Variants in GRAMD2B observed in about 807,000 individuals in gnomAD.
GRAMD2B encodes the protein GRAM domain-containing protein 2B.
Under a neutral mutation model 59.2 loss-of-function variants are expected in GRAMD2B, and 41 were observed. The observed-to-expected ratio is 0.69, with a 90% CI of 0.54 to 0.90. GRAMD2B has a LOEUF of 0.90. Among genes scored for constraint, GRAMD2B ranks in the 40% least tolerant of loss-of-function variants. The pLI, the probability that GRAMD2B is intolerant of heterozygous loss-of-function variation, is 0.00. For missense variants in GRAMD2B, 424 were observed against 500.5 expected, an observed-to-expected ratio of 0.85 and a Z score of 1.46; for synonymous variants, 161 against 182.7, an observed-to-expected ratio of 0.88 and a Z score of 0.96.
In GRAMD2B at chr5:126,377,023, G is replaced by A. The variant is rs183643780; in HGVS notation, c.125+5456G>A. 3.6e-3 allele frequency among the ~76,000 whole-genome samples: 549 copies of A among 151,422 alleles called. 10 individuals carry two copies. Among genetic ancestry groups the A allele is most frequent in the Non-Finnish European group, 2.1e-3 (144 of 67,848 alleles). On this transcript the variant is annotated intron_variant, in intron 1 of 8. Coordinates refer to the GRAMD2B transcript ENST00000506445. ...TTCCCAGCAGGAAAGAATAAAACTC[G>A]CCAGCAGTGTCATTGCAAGGAGCGA...
Position 126,411,904 on chromosome 5 carries a change from C to T in GRAMD2B, c.125+40337C>T, listed in dbSNP as rs1273050718. 2.7e-5 allele frequency among the ~76,000 whole-genome samples: 4 copies of T among 149,294 alleles called. No individual in the cohort carries two copies. The South Asian group carries it at 6.3e-4, about 24-fold the overall frequency. On this transcript the variant is annotated intron_variant, in intron 1 of 8. Transcript: ENST00000506445. ...ATGGGATTGCATTCTTGATTTGGCTCTCAACTTGAACATCATTTGTGTATA... is the reference window on the plus strand; with the variant it reads ...ATGGGATTGCATTCTTGATTTGGCTTTCAACTTGAACATCATTTGTGTATA...
intron 9 of GRAMD2B, 67 bp downstream of exon 9, chr5:126,483,641 T>TAAAA: frequency 1.8e-6 from 1 of 554,592 alleles, no homozygotes. Flanking sequence ...CCCACCCCCT[T>TAAAA]AAAAAAAAAA....
At chr5:126,390,763 T>A (rs1483461703) in intron 1 of GRAMD2B, among the ~76,000 whole-genome samples, 1 of 152,204 alleles carries the variant, frequency 6.6e-6, no homozygotes, top group Admixed American at 6.5e-5. Flanking sequence ...TTACTAGATG[T>A]CTTCTGTGTG....
chr5:126,411,148 C>T (rs1758745568), intron 1 of GRAMD2B, among the ~76,000 whole-genome samples: 1 of 151,954 alleles, frequency 6.6e-6, no homozygotes. Context: ...GTTGCAGTTG[C>T]TTTTGAGGAT....
intron 1 of GRAMD2B, among the ~76,000 whole-genome samples, chr5:126,456,780 T>G (rs536019790): frequency 4.8e-4 from 73 of 152,326 alleles, no homozygotes; most frequent in Non-Finnish European, 9.3e-4. Flanking sequence ...TCACTTTGAC[T>G]CCCCACTTTT....
intron 1 of GRAMD2B, among the ~76,000 whole-genome samples, chr5:126,381,925 A>T (rs926203053): frequency 2.6e-5 from 4 of 152,122 alleles, no homozygotes; most frequent in African/African-American, 9.7e-5. Flanking sequence ...TTGTCTGAAA[A>T]AGTCTTTATC....
chr5:126,394,556 T>A, intron 1 of GRAMD2B, among the ~76,000 whole-genome samples: 1 of 152,206 alleles, frequency 6.6e-6, no homozygotes, highest in African/African-American at 2.4e-5. Flanking sequence ...ATTCATTCAA[T>A]ATTCTACATT....
chr5:126,415,305 T>C (rs947055536), intron 1 of GRAMD2B, among the ~76,000 whole-genome samples: 1 of 152,240 alleles, frequency 6.6e-6, no homozygotes, highest in Admixed American at 6.5e-5. Flanking sequence ...GGTTGTGATA[T>C]AAGAACATGA....
chr5:126,447,398 C>T (rs1002444910), intron 1 of GRAMD2B, among the ~76,000 whole-genome samples: 2 of 152,188 alleles, frequency 1.3e-5, no homozygotes, highest in African/African-American at 4.8e-5. Flanking sequence ...CGCAGTGGCT[C>T]ACGCCTGTAA....
intron 1 of GRAMD2B, among the ~76,000 whole-genome samples, chr5:126,403,423 C>A (rs1205695340): frequency 6.6e-6 from 1 of 151,996 alleles, no homozygotes; most frequent in Non-Finnish European, 1.5e-5. Flanking sequence ...GAACACAATG[C>A]ACTTCTACGT....
chr5:126,472,162 T>G (rs188719737), intron 3 of GRAMD2B, 76 bp from the exon 4 acceptor site: 231 of 1,143,744 alleles, frequency 2.0e-4, no homozygotes, highest in Non-Finnish European at 2.9e-4. Context: ...GAGGGAAAAT[T>G]TGTTGTTGAA....
chr5:126,412,356 A>G (rs182762152), intron 1 of GRAMD2B, among the ~76,000 whole-genome samples: 2 of 152,248 alleles, frequency 1.3e-5, no homozygotes, highest in East Asian at 3.9e-4. Context: ...TGCTGCATCT[A>G]TTGAGATAAT....
intron 5 of GRAMD2B, among the ~76,000 whole-genome samples, chr5:126,474,620 A>G (rs1770237443): frequency 6.6e-6 from 1 of 152,208 alleles, no homozygotes; most frequent in Admixed American, 6.5e-5. Flanking sequence ...GAATTCATAG[A>G]GAGCCAACAT....
chr5:126,366,101 C>G (rs914091379), intron 1 of GRAMD2B, among the ~76,000 whole-genome samples: 5 of 152,190 alleles, frequency 3.3e-5, no homozygotes, highest in Non-Finnish European at 7.3e-5. Flanking sequence ...AAGGGGATAA[C>G]ATATATCCTT....
chr5:126,421,407 T>C (rs1055780757), upstream of GRAMD2B, among the ~76,000 whole-genome samples: 9 of 152,114 alleles, frequency 5.9e-5, no homozygotes, highest in African/African-American at 2.2e-4. Flanking sequence ...ATCCCTATTC[T>C]GAGGAGGGTG....
At chr5:126,361,083 A>G (rs1166803929) in intron 1 of GRAMD2B, among the ~76,000 whole-genome samples, 2 of 152,212 alleles carry the variant, frequency 1.3e-5, no homozygotes, top group Non-Finnish European at 2.9e-5. Context: ...AGTAACAAGT[A>G]TATGTAGAGA....
At chr5:126,487,994 C>T (rs939954930) in intron 12 of GRAMD2B, among the ~76,000 whole-genome samples, 9 of 152,154 alleles carry the variant, frequency 5.9e-5, no homozygotes, top group Admixed American at 1.3e-4. Flanking sequence ...CCAGCAAGTT[C>T]CCAGGTGGTG....
In GRAMD2B at chr5:126,423,410, A is replaced by G. The variant is rs182202709; in HGVS notation, c.-197A>G. ...GGCTTTTCCACAGTGGGTCGGACCAATCGCGCCCGCTCCGACGTGTCCAGG... is the reference window on the plus strand; with the variant it reads ...GGCTTTTCCACAGTGGGTCGGACCAGTCGCGCCCGCTCCGACGTGTCCAGG... On this transcript the variant is annotated 5_prime_UTR_variant, in exon 1 of 14. Coordinates refer to ENST00000285689, the MANE Select transcript of GRAMD2B (RefSeq NM_023927.4). 2.4e-4 allele frequency: 331 copies of G among 1,371,884 alleles called. No individual in the cohort carries two copies. The highest frequency in any genetic ancestry group is 3.0e-4 in the Non-Finnish European group (315 of 1,067,638). The allele number at this position is 1,371,884 out of a possible 1,614,324, so 85.0% of individuals were successfully genotyped here. A position where few individuals can be genotyped will look rare whatever the true frequency, so the allele number is the denominator to read the frequency against.
chr5:126,446,126 C>CTCAT (rs965628541), intron 1 of GRAMD2B, among the ~76,000 whole-genome samples: 1 of 152,178 alleles, frequency 6.6e-6, no homozygotes, highest in Non-Finnish European at 1.5e-5. Flanking sequence ...CCATATTTCA[C>CTCAT]TCATTTTTTT....
Sources: gnomAD v4.1 joint callset for allele counts (sites outside exome capture counted in the v4.1 genomes callset) on GRCh38, gnomAD v4.1.1 for gene constraint, MANE v1.5 for transcripts, NCBI Gene and HGNC (gene_info 2026-07-23, HGNC 2026-07-21) for gene names.